PTPN1: variants seen among roughly 807,000 people sequenced by gnomAD.
The protein encoded by PTPN1 is tyrosine-protein phosphatase non-receptor type 1.
Under a neutral mutation model 59.9 loss-of-function variants are expected in PTPN1, and 12 were observed. The observed-to-expected ratio is 0.20, with a 90% confidence interval of 0.13 to 0.32. The LOEUF is 0.32. PTPN1 is among the 10% of genes least tolerant of loss of function. PTPN1 has a pLI of 1.00. For synonymous variants in PTPN1, 178 were observed against 203.6 expected (o/e 0.87, Z 1.07); for missense variants, 356 against 549.2 (o/e 0.65, Z 3.52).
intron 1 of PTPN1, among the ~76,000 whole-genome samples, chr20:50,521,913 G>A (rs954287097): frequency 3.9e-5 from 6 of 152,188 alleles, no homozygotes; most frequent in Non-Finnish European, 7.3e-5. Context: ...GTCCCACAGT[G>A]GGTCACACTG....
At position 50,564,961 on chromosome 20, in the gene PTPN1, T is replaced by C; in HGVS notation, c.155-8T>C. 1 of 1,613,400 alleles carries C rather than the reference T, an allele frequency of 6.2e-7. No homozygotes were observed. The highest frequency in any genetic ancestry group is 8.5e-7 in the Non-Finnish European group (1 of 1,179,810). ...GGATTAACCTCTGAGTTCTGGTTTG[T>C]CTTTCAGTTGACCATAGTCGGATTA... On this transcript the variant is annotated splice_region_variant and splice_polypyrimidine_tract_variant and intron_variant, in intron 2 of 9. Transcript: ENST00000371621.
chr20:50,512,591 C>T (rs546653924), intron 1 of PTPN1, among the ~76,000 whole-genome samples: 2 of 152,334 alleles, frequency 1.3e-5, no homozygotes, highest in Admixed American at 1.3e-4. Context: ...TGGATTGCCA[C>T]ATTCCCTGAG....
chr20:50,568,511 T>G lies in PTPN1; in HGVS notation c.354+33T>G, dbSNP rs1197504677. On this transcript the variant is annotated intron_variant, in intron 4 of 9. Transcript: ENST00000371621. The surrounding 1 kb of genome is among the most constrained non-coding windows in gnomAD (Gnocchi z 5.6). ...TCGGCTTCATTTGCTGTGTATGTGATCATGCATACCACTCCATATAGTTAC... is the reference window on the plus strand; with the variant it reads ...TCGGCTTCATTTGCTGTGTATGTGAGCATGCATACCACTCCATATAGTTAC... The G allele has an allele frequency of 6.7e-7, 1 of 1,496,560 alleles. No homozygotes were observed. Among genetic ancestry groups the G allele is most frequent in the Non-Finnish European group, 9.3e-7 (1 of 1,072,938 alleles). 92.7% of individuals were successfully genotyped at this position (1,496,560 alleles called of 1,614,324 possible).
chr20:50,581,720 G>A (rs1341166300), intron 9 of PTPN1, among the ~76,000 whole-genome samples: 1 of 151,866 alleles, frequency 6.6e-6, no homozygotes, highest in African/African-American at 2.4e-5. Context: ...AGTAAGTAGA[G>A]AAAATGCCAA....
intron 1 of PTPN1, among the ~76,000 whole-genome samples, chr20:50,544,268 A>G (rs1198958655): frequency 6.6e-6 from 1 of 152,082 alleles, no homozygotes; most frequent in African/African-American, 2.4e-5. Flanking sequence ...CTCCCACCTC[A>G]GCGTCCCGAG....
intron 1 of PTPN1, among the ~76,000 whole-genome samples, chr20:50,541,024 T>A (rs2082649646): frequency 6.6e-6 from 1 of 152,174 alleles, no homozygotes; most frequent in South Asian, 2.1e-4. Context: ...TCAGATAGAA[T>A]GTACTACATT....
At position 50,554,930 on chromosome 20, in the gene PTPN1, G is replaced by A. The variant is rs116335682; in HGVS notation, c.64-6433G>A. Among the ~76,000 whole-genome samples the A allele has an allele frequency of 5.7e-3, 869 of 152,246 alleles. 8 individuals are homozygous for A. The highest frequency in any genetic ancestry group is 0.02 in the African/African-American group (823 of 41,576). ...AGTCAAATAGAAAGCAGCTAAACTA[G>A]CAATATGGCAGATTTAAATCTAGCC... On this transcript the variant is annotated intron_variant, in intron 1 of 9. Coordinates refer to ENST00000371621, the MANE Select transcript of PTPN1 (RefSeq NM_002827.4).
At chr20:50,563,769 G>T (rs76830707) in intron 2 of PTPN1, among the ~76,000 whole-genome samples, 7,658 of 152,104 alleles carry the variant, frequency 0.05, 280 homozygotes, top group Non-Finnish European at 0.076. Flanking sequence ...ATTGTCCCTT[G>T]TGCTGTGCCA....
intron 1 of PTPN1, among the ~76,000 whole-genome samples, chr20:50,554,684 T>C (rs1261897847): frequency 1.3e-5 from 2 of 152,108 alleles, no homozygotes; most frequent in African/African-American, 2.4e-5. Flanking sequence ...GCATAAAGGA[T>C]AAGTGGACAA....
intron 1 of PTPN1, among the ~76,000 whole-genome samples, chr20:50,532,747 T>C (rs953588501): frequency 5.3e-5 from 8 of 152,152 alleles, no homozygotes; most frequent in African/African-American, 1.9e-4. Flanking sequence ...TATGTGTGGG[T>C]GGGTGTGTGT....
At chr20:50,566,565 T>C (rs1267919914) in intron 3 of PTPN1, among the ~76,000 whole-genome samples, 6 of 152,114 alleles carry the variant, frequency 3.9e-5, no homozygotes, top group South Asian at 4.1e-4. Flanking sequence ...CTGGACACTA[T>C]GACCGAAACA....
At chr20:50,547,519 A>G (rs1048067433) in intron 1 of PTPN1, among the ~76,000 whole-genome samples, 2 of 152,062 alleles carry the variant, frequency 1.3e-5, no homozygotes, top group Admixed American at 1.3e-4. Context: ...GTGCGCCACC[A>G]CGCCCGGCTA....
intron 2 of PTPN1, among the ~76,000 whole-genome samples, chr20:50,564,455 A>G (rs996982152): frequency 6.6e-6 from 1 of 152,098 alleles, no homozygotes; most frequent in African/African-American, 2.4e-5. Context: ...TTAGGTGAGC[A>G]TGGTGGCCTG....
chr20:50,580,055 A>G (rs2082858249), intron 8 of PTPN1, 129 bp downstream of exon 8: 4 of 858,210 alleles, frequency 4.7e-6, no homozygotes, highest in Non-Finnish European at 5.5e-6. Flanking sequence ...ATCCTTGGGG[A>G]ACAGGGCGCG....
At chr20:50,558,034 C>T (rs2082733591) in intron 1 of PTPN1, 1 of 152,218 alleles carries the variant, frequency 6.6e-6, no homozygotes, top group Admixed American at 6.5e-5. Context: ...GGGGTTTTGC[C>T]ATGTTGTCCA....
intron 1 of PTPN1, among the ~76,000 whole-genome samples, chr20:50,556,265 T>C (rs916542084): frequency 6.6e-6 from 1 of 152,152 alleles, no homozygotes; most frequent in South Asian, 2.1e-4. Flanking sequence ...TATGGGTCAC[T>C]GCAGATTCAA....
At chr20:50,543,894 G>A (rs1388145079) in intron 1 of PTPN1, among the ~76,000 whole-genome samples, 2 of 151,894 alleles carry the variant, frequency 1.3e-5, no homozygotes, top group Non-Finnish European at 2.9e-5. Context: ...CACCCAGGCT[G>A]GAGTGCAATG....
At chr20:50,517,010 C>T (rs2082531745) in intron 1 of PTPN1, among the ~76,000 whole-genome samples, 1 of 152,118 alleles carries the variant, frequency 6.6e-6, no homozygotes, top group African/African-American at 2.4e-5. Context: ...ATAGCTGCTG[C>T]CCTCTCCTTT....
intron 5 of PTPN1, 70 bp downstream of exon 5, chr20:50,574,724 G>A: frequency 6.6e-7 from 1 of 1,512,542 alleles, no homozygotes; most frequent in East Asian, 2.4e-5. Context: ...TATCCCTTGG[G>A]TGATATTACC....
Sources: allele counts gnomAD v4.1 joint callset (sites outside exome capture counted in the v4.1 genomes callset), GRCh38; gene constraint gnomAD v4.1.1; non-coding constraint Gnocchi (gnomAD v3.1); transcripts MANE v1.5; gene names NCBI Gene and HGNC (gene_info 2026-07-23, HGNC 2026-07-21).